GSE1: variants seen among roughly 807,000 people sequenced by gnomAD.
The protein encoded by GSE1 is genetic suppressor element 1.
GSE1 carries 32 observed loss-of-function variants against 112.6 expected under a neutral mutation model. The ratio of observed to expected loss-of-function variants is 0.28; its 90% CI spans 0.21 to 0.38. The LOEUF (loss-of-function observed/expected upper bound fraction) is 0.38, where lower values mean the gene tolerates loss of function less well. GSE1 is among the 10% of genes least tolerant of loss of function. The pLI is 1.00. For synonymous variants in GSE1, 1,115 were observed against 735.6 expected, an observed-to-expected ratio of 1.52 and a Z score of -8.35; for missense variants, 2,348 against 1,699.2, an observed-to-expected ratio of 1.38 and a Z score of -6.71.
At chr16:85,569,247 C>T (rs1487409117) in intron 1 of GSE1, among the ~76,000 whole-genome samples, 1 of 152,182 alleles carries the variant, frequency 6.6e-6, no homozygotes, top group Admixed American at 6.5e-5. Context: ...TGTCTGGGAA[C>T]GGTCAGTGCT....
At chr16:85,514,432 C>G (rs1478613210) in intron 2 of GSE1, among the ~76,000 whole-genome samples, 1 of 107,412 alleles carries the variant, frequency 9.3e-6, no homozygotes, top group Non-Finnish European at 2.0e-5. Context: ...CGAGTCCCCC[C>G]CCCCACCCCA....
At chr16:85,543,895 T>G (rs533279156) in intron 2 of GSE1, among the ~76,000 whole-genome samples, 2 of 152,256 alleles carry the variant, frequency 1.3e-5, no homozygotes, top group South Asian at 2.1e-4. Flanking sequence ...TGGAGGGCAG[T>G]GGCATGATCT....
At chr16:85,358,360 T>C (rs2046996201) in intron 2 of GSE1, among the ~76,000 whole-genome samples, 1 of 152,158 alleles carries the variant, frequency 6.6e-6, no homozygotes, top group African/African-American at 2.4e-5. Context: ...GGCCTCATCC[T>C]GAAGCCACCC....
In GSE1 at chr16:85,441,971, C is replaced by T. The variant is rs182572638; in HGVS notation, c.2464+84328C>T. On this transcript the variant is annotated intron_variant, in intron 2 of 2. Transcript: ENST00000637419. Reference sequence around the variant, plus strand: ...TCTTCACGATGGCCTAAAAGCCTTGCGTGCTGTGGCTTCTAGCGGCCTTGT... The same window carrying T: ...TCTTCACGATGGCCTAAAAGCCTTGTGTGCTGTGGCTTCTAGCGGCCTTGT... Among the ~76,000 whole-genome samples the T allele has an allele frequency of 1.2e-4, 19 of 152,338 alleles. No homozygotes were observed. In the East Asian group the frequency reaches 2.1e-3, roughly 17 times the overall value.
At chr16:85,573,243 C>G (rs1017384833) in intron 1 of GSE1, among the ~76,000 whole-genome samples, 1 of 152,154 alleles carries the variant, frequency 6.6e-6, no homozygotes, top group African/African-American at 2.4e-5. Flanking sequence ...AAGCCATGTT[C>G]ACTTTCTGAG....
rs150577435 is a variant in GSE1, at chr16:85,420,599, G to A, written c.2464+62956G>A. 3.1e-3 allele frequency among the ~76,000 whole-genome samples: 472 copies of A among 152,198 alleles called. 3 individuals carry two copies. The highest frequency in any genetic ancestry group is 0.01 in the Middle Eastern group (3 of 292). On this transcript the variant is annotated intron_variant, in intron 2 of 2. Transcript: ENST00000637419. ...ACCACCATGCGTCCTCCAGTGACGC[G>A]ACTCACAAACACTGGAGGGCCTGCA...
chr16:85,268,207 T>C (rs1452635303), intron 1 of GSE1, among the ~76,000 whole-genome samples: 1 of 148,796 alleles, frequency 6.7e-6, no homozygotes, highest in African/African-American at 2.5e-5. Context: ...GTCTACTCTC[T>C]GAGGCCCTGG....
chr16:85,557,012 G>A (rs1394621897), intron 1 of GSE1, among the ~76,000 whole-genome samples: 2 of 152,128 alleles, frequency 1.3e-5, no homozygotes, highest in Non-Finnish European at 2.9e-5. Flanking sequence ...GGCAAGTCGC[G>A]CTTTCAGCCT....
chr16:85,495,339 G>C (rs932564991), intron 2 of GSE1, among the ~76,000 whole-genome samples: 3 of 152,158 alleles, frequency 2.0e-5, no homozygotes, highest in Non-Finnish European at 4.4e-5. Context: ...GGTAGCGGCA[G>C]CGTGAGCCCT....
intron 1 of GSE1, among the ~76,000 whole-genome samples, chr16:85,271,994 C>G (rs1908883368): frequency 1.3e-5 from 2 of 152,230 alleles, no homozygotes; most frequent in African/African-American, 4.8e-5. Flanking sequence ...CCCTTCCAAA[C>G]CACTGTGTCA....
chr16:85,398,652 A>G (rs2048021641), intron 2 of GSE1, among the ~76,000 whole-genome samples: 1 of 152,108 alleles, frequency 6.6e-6, no homozygotes, highest in African/African-American at 2.4e-5. Context: ...CCCAGCTATA[A>G]AGTGGGATAG....
intron 2 of GSE1, among the ~76,000 whole-genome samples, chr16:85,508,610 G>A (rs759925024): frequency 5.9e-5 from 9 of 152,316 alleles, no homozygotes; most frequent in Non-Finnish European, 7.4e-5. Flanking sequence ...CAGGGCCCGC[G>A]GCCTCTAAAA....
At chr16:85,337,030 TGC>T (rs1283523038) in intron 1 of GSE1, among the ~76,000 whole-genome samples, 2 of 152,266 alleles carry the variant, frequency 1.3e-5, no homozygotes, top group African/African-American at 4.8e-5. Flanking sequence ...ACATTTGCTA[TGC>T]GCTTGATGCA....
At chr16:85,435,529 CGGGTCCTGGGGGA>C (rs1401218877) in intron 2 of GSE1, among the ~76,000 whole-genome samples, 1 of 152,008 alleles carries the variant, frequency 6.6e-6, no homozygotes, top group East Asian at 1.9e-4. Flanking sequence ...ACTTCTGGGG[CGGGTCCTGGGGGA>C]GGGGCTGGGG....
At chr16:85,530,022 T>G (rs940492962) in intron 2 of GSE1, among the ~76,000 whole-genome samples, 2 of 151,904 alleles carry the variant, frequency 1.3e-5, no homozygotes, top group Non-Finnish European at 2.9e-5. Flanking sequence ...CCTTGTGCAG[T>G]GCACAACCTG....
intron 2 of GSE1, among the ~76,000 whole-genome samples, chr16:85,361,858 C>T (rs1287253020): frequency 6.6e-6 from 1 of 152,000 alleles, no homozygotes; most frequent in East Asian, 1.9e-4. Context: ...CCTGCCGTCC[C>T]AGACTCCCGG....
chr16:85,625,163 G>A (rs904058807), intron 1 of GSE1, among the ~76,000 whole-genome samples: 3 of 152,098 alleles, frequency 2.0e-5, no homozygotes, highest in Non-Finnish European at 2.9e-5. Flanking sequence ...CCAGGCTGCC[G>A]CCCGCATCTG....
At chr16:85,216,331 G>C (rs186504892) in intron 1 of GSE1, among the ~76,000 whole-genome samples, 84 of 152,274 alleles carry the variant, frequency 5.5e-4, no homozygotes, top group African/African-American at 1.9e-3. Flanking sequence ...TTGGGCCCAG[G>C]AGATGGAGGC....
chr16:85,485,498 C>A (rs1282644936), intron 2 of GSE1, among the ~76,000 whole-genome samples: 2 of 152,254 alleles, frequency 1.3e-5, no homozygotes, highest in African/African-American at 4.8e-5. Context: ...CAGGCTCTGC[C>A]TGTGGCGCCT....
Sources: gnomAD v4.1 joint callset for allele counts (sites outside exome capture counted in the v4.1 genomes callset) on GRCh38, gnomAD v4.1.1 for gene constraint, MANE v1.5 for transcripts, NCBI Gene and HGNC (gene_info 2026-07-23, HGNC 2026-07-21) for gene names.